Variants in ILRUN observed in about 807,000 individuals in gnomAD.
ILRUN encodes inflammation and lipid regulator with UBA-like and NBR1-like domains.
Under a neutral mutation model 33.8 loss-of-function variants are expected in ILRUN, and 3 were observed. That is an observed-to-expected ratio of 0.09 (90% CI 0.04 to 0.23). The LOEUF (loss-of-function observed/expected upper bound fraction) is 0.23. Ranked by LOEUF, ILRUN falls within the 10% of genes least tolerant of loss-of-function variation. The pLI is 1.00. For synonymous variants in ILRUN, 124 were observed against 138.9 expected (o/e 0.89, Z 0.75); for missense variants, 210 against 375.1 (o/e 0.56, Z 3.64).
chr6:34,595,716 C>T (rs1761386647), intron 4 of ILRUN: 5 of 974,188 alleles, frequency 5.1e-6, no homozygotes, highest in Non-Finnish European at 6.1e-6. Flanking sequence ...TTTCACATAC[C>T]TGTCTTTATT....
intron 1 of ILRUN, among the ~76,000 whole-genome samples, chr6:34,693,280 A>G (rs1168219756): frequency 6.6e-6 from 1 of 152,250 alleles, no homozygotes; most frequent in Non-Finnish European, 1.5e-5. Context: ...AATGTGACTT[A>G]AAGTTGAATT....
At chr6:34,668,493 G>A (rs1376127617) in intron 1 of ILRUN, among the ~76,000 whole-genome samples, 1 of 152,048 alleles carries the variant, frequency 6.6e-6, no homozygotes, top group East Asian at 1.9e-4. Context: ...ATGCATAACA[G>A]ACTGAGATGA....
chr6:34,616,840 G>A (rs949473702), intron 3 of ILRUN: 44 of 702,004 alleles, frequency 6.3e-5, no homozygotes, highest in African/African-American at 6.1e-4. Context: ...GAAAGGTGTT[G>A]CAGCTTCTTT....
chr6:34,606,522 C>G, intron 4 of ILRUN, 33 bp downstream of exon 4: 3 of 1,569,424 alleles, frequency 1.9e-6, no homozygotes. Context: ...CAAGGCCCAC[C>G]ACCTACCCCT....
At chr6:34,664,024 T>G (rs1003336679) in intron 1 of ILRUN, among the ~76,000 whole-genome samples, 1 of 152,184 alleles carries the variant, frequency 6.6e-6, no homozygotes, top group Non-Finnish European at 1.5e-5. Flanking sequence ...AACAGGGCCG[T>G]GAGCTAAGGA....
intron 3 of ILRUN, among the ~76,000 whole-genome samples, chr6:34,632,724 C>A (rs1048344411): frequency 4.8e-4 from 72 of 151,364 alleles, no homozygotes; most frequent in African/African-American, 1.7e-3. Flanking sequence ...GGGGTTTCAC[C>A]ATGTTAGCCA....
intron 3 of ILRUN, among the ~76,000 whole-genome samples, chr6:34,634,511 A>G (rs1022560655): frequency 6.6e-6 from 1 of 152,130 alleles, no homozygotes. Context: ...AGAAAAACCA[A>G]TGAAACCAGA....
intron 3 of ILRUN, among the ~76,000 whole-genome samples, chr6:34,613,213 CAAA>C (rs1761798066): frequency 8.1e-6 from 1 of 123,614 alleles, no homozygotes; most frequent in South Asian, 2.3e-4. Context: ...GACCCTGTCT[CAAA>C]AACAACAACA....
rs201677955 is a variant in ILRUN, at chr6:34,637,861, C to T, written c.511+8740G>A. ...GTTGTTGTTGCTGCTGCTGCTGCTGCTGCTGTTGTTGTTGTTGTTGTTGTT... is the reference window on the plus strand; with the variant it reads ...GTTGTTGTTGCTGCTGCTGCTGCTGTTGCTGTTGTTGTTGTTGTTGTTGTT... On this transcript the variant is annotated intron_variant, in intron 3 of 4. Transcript: ENST00000374023. 2.9e-3 allele frequency among the ~76,000 whole-genome samples: 299 copies of T among 102,044 alleles called. 1 individual carries two copies. The highest frequency in any genetic ancestry group is 0.012 in the East Asian group (28 of 2,424). 66.9% of individuals were successfully genotyped at this position (102,044 alleles called of 152,430 possible).
chr6:34,665,816 G>C (rs182327937), intron 1 of ILRUN, among the ~76,000 whole-genome samples: 4 of 152,162 alleles, frequency 2.6e-5, no homozygotes, highest in Non-Finnish European at 2.9e-5. Flanking sequence ...AGTGAAAAAT[G>C]CATAGGCTTT....
intron 3 of ILRUN, among the ~76,000 whole-genome samples, chr6:34,607,602 A>G (rs1761662160): frequency 6.6e-6 from 1 of 152,036 alleles, no homozygotes; most frequent in South Asian, 2.1e-4. Context: ...TGTTCTGAGA[A>G]ATGTATCATT....
At chr6:34,633,003 T>C (rs1372562721) in intron 3 of ILRUN, among the ~76,000 whole-genome samples, 2 of 152,048 alleles carry the variant, frequency 1.3e-5, no homozygotes, top group African/African-American at 4.8e-5. Flanking sequence ...AAAACACAGA[T>C]TGTTAGAATG....
At chr6:34,677,117 G>C (rs1005086954) in intron 1 of ILRUN, among the ~76,000 whole-genome samples, 3 of 152,130 alleles carry the variant, frequency 2.0e-5, no homozygotes, top group Non-Finnish European at 4.4e-5. Flanking sequence ...GACCAGCCTA[G>C]CCAAGATGGC....
At chr6:34,600,335 A>G (rs1433529792) in intron 4 of ILRUN, among the ~76,000 whole-genome samples, 1 of 152,170 alleles carries the variant, frequency 6.6e-6, no homozygotes, top group Non-Finnish European at 1.5e-5. Context: ...ACAACAGGCA[A>G]ACTTCCACTT....
intron 4 of ILRUN, 107 bp downstream of exon 4, chr6:34,606,448 G>A: frequency 2.4e-6 from 2 of 838,616 alleles, no homozygotes. Flanking sequence ...CAGTCTTAAA[G>A]AACCTCCTCT....
chr6:34,622,248 T>C (rs1057284045), intron 3 of ILRUN, among the ~76,000 whole-genome samples: 3 of 150,764 alleles, frequency 2.0e-5, no homozygotes, highest in Non-Finnish European at 4.4e-5. Context: ...TTAAAAACTG[T>C]GCACCAAATG....
At position 34,683,509 on chromosome 6, in the gene ILRUN, TATATACATATATATATATAC is replaced by T. The variant is rs1562033343; in HGVS notation, c.158+12917_158+12936del. Among the ~76,000 whole-genome samples, 14 of 81,456 alleles carry T rather than the reference TATATACATATATATATATAC, an allele frequency of 1.7e-4. 1 individual carries two copies. The highest frequency in any genetic ancestry group is 9.7e-4 in the African/African-American group (13 of 13,400). The allele number at this position is 81,456 out of a possible 152,430, so 53.4% of individuals were successfully genotyped here. A position where few individuals can be genotyped will look rare whatever the true frequency, so the allele number is the denominator to read the frequency against. The stretch of plus-strand genomic sequence containing the variant: ...ATACATATATATATACATATATATA[TATATACATATATATATATAC>T]ATATTGCACAGAATATTCTGTGCAA... On this transcript the variant is annotated intron_variant, in intron 1 of 4. Transcript: ENST00000374023.
At chr6:34,691,367 A>G (rs1396995477) in intron 1 of ILRUN, among the ~76,000 whole-genome samples, 2 of 152,226 alleles carry the variant, frequency 1.3e-5, no homozygotes, top group Admixed American at 6.5e-5. Flanking sequence ...TATTCACTTT[A>G]CATACTCACT....
chr6:34,617,913 AGAAAGGCACT>A (rs1761931671), intron 3 of ILRUN, among the ~76,000 whole-genome samples: 1 of 152,252 alleles, frequency 6.6e-6, no homozygotes, highest in Non-Finnish European at 1.5e-5. Flanking sequence ...GAGAAGCCTA[AGAAAGGCACT>A]GATAGGAGAA....
Sources: gnomAD v4.1 joint callset for allele counts (sites outside exome capture counted in the v4.1 genomes callset) on GRCh38, gnomAD v4.1.1 for gene constraint, MANE v1.5 for transcripts, NCBI Gene and HGNC (gene_info 2026-07-23, HGNC 2026-07-21) for gene names.